The following LRRC7 variants were observed in gnomAD, a reference collection of about 807,000 sequenced individuals.
LRRC7 encodes the protein leucine-rich repeat-containing protein 7.
Under a neutral mutation model 175.7 loss-of-function variants are expected in LRRC7, and 23 were observed. That is an observed-to-expected ratio of 0.13 (90% CI 0.09 to 0.19). LRRC7 has a LOEUF of 0.19. Among genes scored for constraint, LRRC7 ranks in the 10% least tolerant of loss-of-function variants. The probability of loss-of-function intolerance (pLI) is 1.00; values close to 1 mark genes in which losing one functional copy is unlikely to be tolerated. For missense variants in LRRC7, 1,354 were observed against 1,904.7 expected (o/e 0.71, Z 5.38); for synonymous variants, 685 against 680.9 (o/e 1.01, Z -0.09).
intron 23 of LRRC7, among the ~76,000 whole-genome samples, chr1:70,063,927 A>T (rs996967067): frequency 1.3e-5 from 2 of 152,036 alleles, no homozygotes; most frequent in African/African-American, 4.8e-5. Context: ...GCCAGAGATG[A>T]CTGCCTTTGT....
chr1:69,769,961 A>G (rs564069682), intron 3 of LRRC7, among the ~76,000 whole-genome samples: 3 of 152,300 alleles, frequency 2.0e-5, no homozygotes, highest in South Asian at 2.1e-4. Context: ...ATCCAGGCTC[A>G]TAGAACTAAT....
intron 3 of LRRC7, among the ~76,000 whole-genome samples, chr1:69,766,918 A>G (rs552481748): frequency 2.8e-4 from 43 of 152,262 alleles, no homozygotes; most frequent in African/African-American, 9.9e-4. Context: ...CATTCCATCA[A>G]ATTCAGTTTT....
At chr1:70,066,295 A>G (rs1326429239) in intron 23 of LRRC7, among the ~76,000 whole-genome samples, 4 of 152,030 alleles carry the variant, frequency 2.6e-5, no homozygotes, top group Non-Finnish European at 5.9e-5. Flanking sequence ...AATCTTAGGT[A>G]CCTTGCATAA....
chr1:69,840,927 G>T (rs1204651652), intron 7 of LRRC7, among the ~76,000 whole-genome samples: 1 of 152,142 alleles, frequency 6.6e-6, no homozygotes, highest in Non-Finnish European at 1.5e-5. Context: ...GTCAGAAAAT[G>T]TGTAGATGGT....
chr1:69,584,577 A>T (rs1046032800), intron 1 of LRRC7, among the ~76,000 whole-genome samples: 2 of 152,130 alleles, frequency 1.3e-5, no homozygotes, highest in Non-Finnish European at 2.9e-5. Flanking sequence ...TATTGTGAAG[A>T]TTTAAGTAAT....
chr1:69,686,185 A>T (rs1448057652), intron 2 of LRRC7, among the ~76,000 whole-genome samples: 1 of 152,164 alleles, frequency 6.6e-6, no homozygotes, highest in Non-Finnish European at 1.5e-5. Context: ...GAGAAATAAA[A>T]TCACTCTCAG....
intron 7 of LRRC7, among the ~76,000 whole-genome samples, chr1:69,849,352 C>G (rs1682721424): frequency 6.6e-6 from 1 of 151,864 alleles, no homozygotes; most frequent in Admixed American, 6.6e-5. Flanking sequence ...AGTAAAAAGT[C>G]ATTAAGGCTA....
intron 25 of LRRC7, among the ~76,000 whole-genome samples, chr1:70,099,006 G>A (rs1167549702): frequency 6.6e-6 from 1 of 152,076 alleles, no homozygotes; most frequent in Non-Finnish European, 1.5e-5. Flanking sequence ...AAGCCAGGCA[G>A]AGACACAACC....
chr1:69,581,831 A>G (rs775985397), intron 1 of LRRC7, among the ~76,000 whole-genome samples: 6 of 152,046 alleles, frequency 3.9e-5, no homozygotes, highest in Non-Finnish European at 8.8e-5. Context: ...TTTACTCACT[A>G]TGCTTTACAG....
At chr1:69,787,314 A>G (rs1281615291) in intron 3 of LRRC7, among the ~76,000 whole-genome samples, 1 of 152,104 alleles carries the variant, frequency 6.6e-6, no homozygotes, top group Non-Finnish European at 1.5e-5. Context: ...AAGCTCTCAG[A>G]GGATCTACCA....
At chr1:70,000,090 A>C (rs1032520256) in intron 11 of LRRC7, among the ~76,000 whole-genome samples, 3 of 152,140 alleles carry the variant, frequency 2.0e-5, no homozygotes, top group African/African-American at 7.2e-5. Context: ...TCTTTGCTAT[A>C]GGGCTTTCCT....
chr1:69,613,134 C>A (rs576301491), intron 1 of LRRC7, among the ~76,000 whole-genome samples: 2 of 152,186 alleles, frequency 1.3e-5, no homozygotes, highest in African/African-American at 4.8e-5. Context: ...ATGGCGTAGA[C>A]AGCAAACATT....
At chr1:69,668,674 C>T (rs1658626766) in intron 1 of LRRC7, among the ~76,000 whole-genome samples, 1 of 152,150 alleles carries the variant, frequency 6.6e-6, no homozygotes, top group South Asian at 2.1e-4. Flanking sequence ...AATGGGATTG[C>T]TGGGTCAAAT....
intron 8 of LRRC7, among the ~76,000 whole-genome samples, chr1:69,980,062 C>G (rs1435373716): frequency 1.3e-5 from 2 of 151,966 alleles, no homozygotes; most frequent in East Asian, 3.9e-4. Flanking sequence ...ACTCTAGTGA[C>G]AAAGACAGAT....
At chr1:69,761,606 T>G (rs2100943696) in intron 3 of LRRC7, among the ~76,000 whole-genome samples, 1 of 152,138 alleles carries the variant, frequency 6.6e-6, no homozygotes, top group East Asian at 1.9e-4. Flanking sequence ...TAGTGTATTT[T>G]TTAGAGGTAG....
At chr1:69,750,628 G>A (rs533653509) in intron 2 of LRRC7, among the ~76,000 whole-genome samples, 1 of 152,274 alleles carries the variant, frequency 6.6e-6, no homozygotes, top group Middle Eastern at 3.4e-3. Context: ...GAGGCTAGGA[G>A]TCCAAGATCA....
chr1:69,767,811 A>G (rs1671787318), intron 3 of LRRC7, among the ~76,000 whole-genome samples: 2 of 152,160 alleles, frequency 1.3e-5, no homozygotes, highest in African/African-American at 4.8e-5. Context: ...CAATTTCATA[A>G]AAGTATGCAG....
chr1:69,939,651 A>G (rs980647440), intron 8 of LRRC7, among the ~76,000 whole-genome samples: 5 of 152,094 alleles, frequency 3.3e-5, no homozygotes, highest in African/African-American at 1.2e-4. Context: ...CTGTGTCCTG[A>G]AAACAATGGA....
rs780956737 is a variant in LRRC7 at position 69,760,325 on chromosome 1, G to A, written c.235G>A (p.Val79Ile). 6 of 1,612,882 alleles carry A rather than the reference G, an allele frequency of 3.7e-6. No homozygotes were observed. The highest frequency in any genetic ancestry group is 5.1e-6 in the Non-Finnish European group (6 of 1,179,324). Residue 79 changes from valine to isoleucine, a missense_variant, in exon 3 of 27, where the codon GTC becomes ATC. Transcript: ENST00000651989. Reference sequence around the variant, plus strand: ...CAGTCTTCAGCAGGTGCCAAAGGAGGTCTTTAACTTCGAACGAACATTAGA... The same window carrying A: ...CAGTCTTCAGCAGGTGCCAAAGGAGATCTTTAACTTCGAACGAACATTAGA... ...HCSLQQVPKE[V>I]FNFERTLEEL...
Sources: gnomAD v4.1 joint callset for allele counts (sites outside exome capture counted in the v4.1 genomes callset) on GRCh38, gnomAD v4.1.1 for gene constraint, MANE v1.5 for transcripts, NCBI Gene and HGNC (gene_info 2026-07-23, HGNC 2026-07-21) for gene names.